SHTN1: variants seen among roughly 807,000 people sequenced by gnomAD.
The protein encoded by SHTN1 is shootin 1.
A neutral mutation model predicts 83.1 loss-of-function variants in SHTN1; 42 were observed. That is an observed-to-expected ratio of 0.51 (90% confidence interval 0.39 to 0.65). SHTN1 has a LOEUF of 0.65. Among genes scored for constraint, SHTN1 ranks in the 30% least tolerant of loss-of-function variants. The probability of loss-of-function intolerance (pLI) is 0.00; values close to 1 mark genes in which losing one functional copy is unlikely to be tolerated. For synonymous variants in SHTN1, 224 were observed against 247.7 expected (o/e 0.90, Z 0.90); for missense variants, 622 against 737.8 (o/e 0.84, Z 1.82).
At chr10:117,069,936 A>G (rs965785872) in intron 1 of SHTN1, among the ~76,000 whole-genome samples, 4 of 152,196 alleles carry the variant, frequency 2.6e-5, no homozygotes, top group African/African-American at 9.6e-5. Context: ...ATGTAATAAT[A>G]AAGGGAGTAG....
intron 1 of SHTN1, among the ~76,000 whole-genome samples, chr10:117,078,306 T>C (rs1853192873): frequency 6.6e-6 from 1 of 152,176 alleles, no homozygotes; most frequent in African/African-American, 2.4e-5. Flanking sequence ...TGGTGGCTCC[T>C]GTCAGCAGTT....
upstream of SHTN1, among the ~76,000 whole-genome samples, chr10:117,008,707 C>T (rs1238544749): frequency 1.3e-5 from 2 of 152,062 alleles, no homozygotes; most frequent in African/African-American, 4.8e-5. Context: ...TAGGGGAGGT[C>T]TGGGAGAAAA....
chr10:116,953,632 T>TG (rs1564895218), intron 5 of SHTN1, among the ~76,000 whole-genome samples: 1 of 141,232 alleles, frequency 7.1e-6, no homozygotes, highest in Non-Finnish European at 1.5e-5. Context: ...TGTTTTTTTT[T>TG]TTTTTTTTTT....
intron 10 of SHTN1, among the ~76,000 whole-genome samples, chr10:116,929,454 T>C (rs1848868578): frequency 6.6e-6 from 1 of 152,210 alleles, no homozygotes; most frequent in South Asian, 2.1e-4. Flanking sequence ...ACACCAAAGA[T>C]GAAGACAGTA....
intron 1 of SHTN1, among the ~76,000 whole-genome samples, chr10:117,087,853 G>A (rs903969562): frequency 6.6e-6 from 1 of 152,228 alleles, no homozygotes; most frequent in African/African-American, 2.4e-5. Context: ...GTATAGTCCC[G>A]ATACTTGGGG....
chr10:117,041,114 C>T (rs926175320), intron 2 of SHTN1, among the ~76,000 whole-genome samples: 1 of 148,212 alleles, frequency 6.7e-6, no homozygotes, highest in African/African-American at 2.5e-5. Flanking sequence ...CACCCCACAA[C>T]AGGCCCCGGT....
At chr10:117,048,357 T>C in intron 2 of SHTN1, 1 of 379,482 alleles carries the variant, frequency 2.6e-6, no homozygotes, top group Non-Finnish European at 3.6e-6. Flanking sequence ...AGAATATAAC[T>C]ATGATTAAAT....
intron 1 of SHTN1, among the ~76,000 whole-genome samples, chr10:117,098,900 C>G (rs79113530): frequency 1.3e-5 from 2 of 151,920 alleles, no homozygotes. Context: ...CTTTTTATCT[C>G]GATCCTTAAA....
chr10:117,121,268 T>C (rs1007560408), intron 1 of SHTN1, among the ~76,000 whole-genome samples: 15 of 152,234 alleles, frequency 9.9e-5, no homozygotes, highest in African/African-American at 3.1e-4. Context: ...TTTATAGCTA[T>C]AGATTACGTA....
chr10:116,907,692 G>A (rs891617047), intron 14 of SHTN1, among the ~76,000 whole-genome samples: 1 of 152,152 alleles, frequency 6.6e-6, no homozygotes, highest in Non-Finnish European at 1.5e-5. Context: ...CTTCTCAACT[G>A]TGCCACATAC....
chr10:116,954,055 C>T lies in SHTN1; in HGVS notation c.423G>A (p.Gln141=), dbSNP rs1431293919. ...AAETCVSVQC[Q]KQIKELRDQI... is the part of the protein sequence containing the mutation. ...AAAGAGTTCTACCTTTAATTTGCTTCTGACACTGTACTGAGACACAAGTCT... is the reference window on the plus strand; with the variant it reads ...AAAGAGTTCTACCTTTAATTTGCTTTTGACACTGTACTGAGACACAAGTCT... The change falls in exon 5 of 17, where the codon CAG becomes CAA. Residue 141 remains glutamine, a synonymous_variant. Coordinates refer to ENST00000355371, the MANE Select transcript of SHTN1 (RefSeq NM_001127211.3). 3 of 1,606,788 alleles carry T rather than the reference C, an allele frequency of 1.9e-6. No individual in the cohort carries two copies. Among genetic ancestry groups the T allele is most frequent in the Non-Finnish European group, 8.5e-7 (1 of 1,178,192 alleles).
chr10:117,040,488 T>C (rs1051874297), intron 2 of SHTN1, among the ~76,000 whole-genome samples: 88 of 152,204 alleles, frequency 5.8e-4, no homozygotes, highest in African/African-American at 1.8e-3. Context: ...TACATGCCTT[T>C]TAGAATGGCT....
At chr10:116,917,165 T>G (rs1177685766) in intron 12 of SHTN1, among the ~76,000 whole-genome samples, 2 of 152,230 alleles carry the variant, frequency 1.3e-5, no homozygotes, top group Non-Finnish European at 2.9e-5. Flanking sequence ...ATTCCTTTAT[T>G]CACTCACCCA....
At chr10:117,013,677 G>A (rs1852139170) in intron 2 of SHTN1, among the ~76,000 whole-genome samples, 2 of 152,132 alleles carry the variant, frequency 1.3e-5, no homozygotes, top group Non-Finnish European at 2.9e-5. Context: ...TATTTTAAAT[G>A]GTACAGCCGC....
intron 1 of SHTN1, among the ~76,000 whole-genome samples, chr10:117,094,269 A>G (rs566414476): frequency 6.6e-6 from 1 of 152,350 alleles, no homozygotes; most frequent in East Asian, 1.9e-4. Context: ...AAACTGTGTA[A>G]TATTTGCTGA....
At chr10:116,926,829 T>C (rs186036194) in intron 11 of SHTN1, among the ~76,000 whole-genome samples, 28 of 151,938 alleles carry the variant, frequency 1.8e-4, no homozygotes, top group Middle Eastern at 3.4e-3. Flanking sequence ...GGCAAGGAGG[T>C]TGTCTTATGT....
chr10:117,103,561 G>A (rs58593329), intron 1 of SHTN1, among the ~76,000 whole-genome samples: 20,093 of 107,488 alleles, frequency 0.19, 1,817 homozygotes, highest in East Asian at 0.34. Context: ...TTTTTGAGAC[G>A]GAGTCTCGCT....
chr10:117,005,419 G>A, upstream of SHTN1: 1 of 1,133,970 alleles, frequency 8.8e-7, no homozygotes, highest in Non-Finnish European at 1.1e-6. Flanking sequence ...GCCCTGCGTG[G>A]GGTCGCTCCG....
chr10:117,056,854 A>G (rs542563792), intron 1 of SHTN1, among the ~76,000 whole-genome samples: 13 of 152,150 alleles, frequency 8.5e-5, no homozygotes, highest in Non-Finnish European at 1.6e-4. Flanking sequence ...AAAAACAAAA[A>G]CCCTTAGCAA....
Sources: gnomAD v4.1 joint callset for allele counts (sites outside exome capture counted in the v4.1 genomes callset) on GRCh38, gnomAD v4.1.1 for gene constraint, MANE v1.5 for transcripts, NCBI Gene and HGNC (gene_info 2026-07-23, HGNC 2026-07-21) for gene names.